The following DPP6 variants were observed in gnomAD, a reference collection of about 807,000 sequenced individuals.
DPP6 encodes dipeptidyl peptidase like 6, also known as A-type potassium channel modulatory protein DPP6.
In DPP6, 69 loss-of-function variants were observed where a neutral mutation model predicts 122.6. The observed-to-expected ratio is 0.56, with a 90% CI of 0.46 to 0.69. The LOEUF is 0.69. DPP6 is among the 30% of genes least tolerant of loss of function. The pLI, the probability that DPP6 is intolerant of heterozygous loss-of-function variation, is 0.00. For synonymous variants in DPP6, 418 were observed against 433.1 expected, an observed-to-expected ratio of 0.97 and a Z score of 0.43; for missense variants, 928 against 1,116.9, an observed-to-expected ratio of 0.83 and a Z score of 2.41.
chr7:154,319,674 A>T (rs1807752576), intron 1 of DPP6, among the ~76,000 whole-genome samples: 1 of 148,874 alleles, frequency 6.7e-6, no homozygotes, highest in African/African-American at 2.5e-5. Flanking sequence ...CAGCCTGGGC[A>T]ATAGGAGTGA....
At chr7:154,160,689 G>A (rs1284178279) in intron 1 of DPP6, among the ~76,000 whole-genome samples, 2 of 152,176 alleles carry the variant, frequency 1.3e-5, no homozygotes, top group African/African-American at 4.8e-5. Flanking sequence ...GTTTAGCTTA[G>A]ATTGAAGCTT....
intron 1 of DPP6, among the ~76,000 whole-genome samples, chr7:153,930,356 G>T (rs994850850): frequency 2.6e-5 from 4 of 152,160 alleles, no homozygotes; most frequent in Non-Finnish European, 5.9e-5. Context: ...GTAGTCACTG[G>T]TGGGTCATTG....
At chr7:154,067,771 A>G (rs76694696) in intron 1 of DPP6, among the ~76,000 whole-genome samples, 10,645 of 151,922 alleles carry the variant, frequency 0.07, 1,199 homozygotes, top group African/African-American at 0.24. Context: ...TTGCAGTGAG[A>G]TCTGGCTCTG....
chr7:153,952,549 T>C (rs1267258926), intron 1 of DPP6, among the ~76,000 whole-genome samples: 2 of 152,232 alleles, frequency 1.3e-5, no homozygotes, highest in Admixed American at 6.5e-5. Context: ...AAATTCAGAC[T>C]GTGATGAGCA....
chr7:154,445,250 C>G (rs7782647), intron 1 of DPP6, among the ~76,000 whole-genome samples: 29,140 of 152,090 alleles, frequency 0.19, 3,952 homozygotes, highest in African/African-American at 0.39. Flanking sequence ...CCAGACTATA[C>G]ATGGACAGAA....
At chr7:154,090,905 A>G (rs570079703) in intron 1 of DPP6, among the ~76,000 whole-genome samples, 3,405 of 149,058 alleles carry the variant, frequency 0.023, 43 homozygotes, top group Non-Finnish European at 0.032. Flanking sequence ...CGGATCACAA[A>G]GTCAGGAGAT....
the DPP6 span, among the ~76,000 whole-genome samples, chr7:153,816,812 G>C: frequency 6.6e-6 from 1 of 151,908 alleles, no homozygotes; most frequent in Non-Finnish European, 1.5e-5. Flanking sequence ...ACAGAGAAAT[G>C]AGATTTGACA....
intron 15 of DPP6, among the ~76,000 whole-genome samples, chr7:154,806,278 C>A (rs1051721154): frequency 3.3e-5 from 5 of 152,206 alleles, no homozygotes; most frequent in Admixed American, 1.3e-4. Context: ...TTAGAGGGGA[C>A]CCTCCTGCGG....
chr7:154,748,671 T>C (rs1563165683), intron 8 of DPP6, among the ~76,000 whole-genome samples: 2 of 152,084 alleles, frequency 1.3e-5, no homozygotes, highest in Admixed American at 1.3e-4. Flanking sequence ...CGCATGGCGG[T>C]AAGCAGGGCC....
intron 19 of DPP6, among the ~76,000 whole-genome samples, chr7:154,873,112 CT>C (rs1411885722): frequency 6.6e-6 from 1 of 152,336 alleles, no homozygotes; most frequent in African/African-American, 2.4e-5. Flanking sequence ...CGTGAATGCC[CT>C]TTTTTCACCA....
the DPP6 span, among the ~76,000 whole-genome samples, chr7:153,779,856 T>A: frequency 6.6e-6 from 1 of 150,432 alleles, no homozygotes; most frequent in Admixed American, 6.7e-5. Context: ...TGGAGCAACA[T>A]TAATTTCTTG....
chr7:154,677,913 C>T (rs376628533), intron 7 of DPP6, among the ~76,000 whole-genome samples: 4 of 152,100 alleles, frequency 2.6e-5, no homozygotes, highest in East Asian at 1.9e-4. Context: ...GGGTGGGGTG[C>T]GGACTTGGAG....
At chr7:153,989,430 G>C (rs1219968429) in intron 1 of DPP6, among the ~76,000 whole-genome samples, 2 of 151,454 alleles carry the variant, frequency 1.3e-5, no homozygotes, top group Non-Finnish European at 2.9e-5. Flanking sequence ...GGCGGGCCGC[G>C]CTTGGCATTT....
At chr7:154,440,822 G>A (rs1420030837) in intron 1 of DPP6, among the ~76,000 whole-genome samples, 2 of 152,248 alleles carry the variant, frequency 1.3e-5, no homozygotes, top group East Asian at 3.9e-4. Context: ...ATGCACAATT[G>A]CCAGCTGTCC....
At chr7:154,682,854 C>T (rs754695881) in intron 7 of DPP6, among the ~76,000 whole-genome samples, 2 of 152,276 alleles carry the variant, frequency 1.3e-5, no homozygotes, top group Non-Finnish European at 2.9e-5. Context: ...GTGCCTTACT[C>T]GTGCTAGAGC....
chr7:154,296,264 C>T (rs1805539907), intron 1 of DPP6, among the ~76,000 whole-genome samples: 1 of 152,058 alleles, frequency 6.6e-6, no homozygotes, highest in South Asian at 2.1e-4. Context: ...CTAATTGCTG[C>T]TTAGCCTTGC....
intron 1 of DPP6, among the ~76,000 whole-genome samples, chr7:154,156,714 A>G (rs1395103630): frequency 6.6e-6 from 1 of 152,226 alleles, no homozygotes; most frequent in Non-Finnish European, 1.5e-5. Context: ...CAAACCAGGT[A>G]TAGTTTAGCC....
chr7:153,767,086 A>G, the DPP6 span, among the ~76,000 whole-genome samples: 4 of 149,634 alleles, frequency 2.7e-5, no homozygotes, highest in Admixed American at 1.3e-4. Flanking sequence ...ATGTCACTAT[A>G]ACATTTACTA....
intron 7 of DPP6, among the ~76,000 whole-genome samples, chr7:154,706,643 G>T (rs1840845548): frequency 6.6e-6 from 1 of 152,240 alleles, no homozygotes; most frequent in African/African-American, 2.4e-5. Flanking sequence ...TCTTCAGTCA[G>T]CTAGGAACTT....
Sources: allele counts gnomAD v4.1 joint callset (sites outside exome capture counted in the v4.1 genomes callset), GRCh38; gene constraint gnomAD v4.1.1; transcripts MANE v1.5; gene names NCBI Gene and HGNC (gene_info 2026-07-23, HGNC 2026-07-21).